The following HUWE1 variants were observed in gnomAD, a reference collection of about 807,000 sequenced individuals.
HUWE1 encodes the protein E3 ubiquitin-protein ligase HUWE1.
Under a neutral mutation model 299.4 loss-of-function variants are expected in HUWE1, and 18 were observed. The ratio of observed to expected loss-of-function variants is 0.06; its 90% CI spans 0.04 to 0.09. The LOEUF is 0.09. Ranked by LOEUF, HUWE1 falls within the 10% of genes least tolerant of loss-of-function variation. HUWE1 has a pLI of 1.00. For synonymous variants in HUWE1, 1,317 were observed against 1,286.1 expected, an observed-to-expected ratio of 1.02 and a Z score of -0.51; for missense variants, 1,832 against 3,462.3, an observed-to-expected ratio of 0.53 and a Z score of 11.82.
At chrX:53,548,456 C>T (rs2061637564) in intron 67 of HUWE1, among the ~76,000 whole-genome samples, 183 bp from the exon 68 acceptor site, 1 of 112,684 alleles carries the variant, frequency 8.9e-6, no homozygotes, top group Non-Finnish European at 1.9e-5. Context: ...TGAATGAGGG[C>T]TTTGTAGCAA....
chrX:53,633,954 A>G (rs1009769548), intron 8 of HUWE1, among the ~76,000 whole-genome samples: 7 of 112,160 alleles, frequency 6.2e-5, no homozygotes, highest in African/African-American at 1.9e-4. Context: ...AAAAAATCAC[A>G]TTAAAATTAA....
intron 7 of HUWE1, among the ~76,000 whole-genome samples, chrX:53,640,123 C>T (rs1216063907): frequency 8.9e-6 from 1 of 112,749 alleles, no homozygotes; most frequent in African/African-American, 3.2e-5. Flanking sequence ...CTTTGGGAGG[C>T]CAAGGCGAGT....
intron 28 of HUWE1, among the ~76,000 whole-genome samples, chrX:53,601,654 T>A (rs1250666906): frequency 3.9e-5 from 4 of 101,465 alleles, no homozygotes; most frequent in Non-Finnish European, 8.1e-5. Flanking sequence ...TTCTACTTAC[T>A]GAAATTTGGA....
rs1211374072 is a variant in HUWE1 at position 53,534,208 on chromosome X, G to A, written c.12832-11C>T. Reference sequence around the variant, plus strand: ...CCAGAACCACTGGATCTGTAGGAAGGGACCCATGAAGCCAGTGTTAGGTAG... The same window carrying A: ...CCAGAACCACTGGATCTGTAGGAAGAGACCCATGAAGCCAGTGTTAGGTAG... On this transcript the variant is annotated splice_polypyrimidine_tract_variant and intron_variant, in intron 82 of 83. Coordinates refer to ENST00000262854, the MANE Select transcript of HUWE1 (RefSeq NM_031407.7). 5 of 1,198,610 alleles carry A rather than the reference G, an allele frequency of 4.2e-6. No homozygotes were observed. The highest frequency in any genetic ancestry group is 5.6e-6 in the Non-Finnish European group (5 of 885,743).
intron 11 of HUWE1, 46 bp from the exon 12 acceptor site, chrX:53,631,080 G>T: frequency 1.3e-6 from 1 of 790,903 alleles, no homozygotes; most frequent in Non-Finnish European, 2.0e-6. Flanking sequence ...AATGAAAAAG[G>T]TGAATATTCT....
intron 49 of HUWE1, among the ~76,000 whole-genome samples, chrX:53,566,918 T>TA (rs1211373826): frequency 5.3e-4 from 53 of 100,171 alleles, no homozygotes; most frequent in South Asian, 1.7e-3. Context: ...GAAAATGTCA[T>TA]AAAAAAAAAA....
At position 53,538,992 on chromosome X, in the gene HUWE1, C is replaced by T. The variant is rs2061214447; in HGVS notation, c.11721G>A (p.Gln3907=). 2 of 1,208,556 alleles carry T rather than the reference C, an allele frequency of 1.7e-6. No homozygotes were observed. The highest frequency in any genetic ancestry group is 1.7e-5 in the African/African-American group (1 of 57,288). ...GAGGCTCGTCCTTGATGTGTGCCAG[C>T]TGGCTCTCACGGGTGTCTCGGACAG... ...KPPVRDTRES[Q]LAHIKDEPPP... The change falls in exon 76 of 84, where the codon CAG becomes CAA. Residue 3907 remains glutamine (Q), a synonymous_variant. Transcript: ENST00000262854.
At chrX:53,623,722 GAAAAC>G (rs1557014407) in intron 19 of HUWE1, among the ~76,000 whole-genome samples, 1 of 112,038 alleles carries the variant, frequency 8.9e-6, no homozygotes, top group African/African-American at 3.2e-5. Flanking sequence ...AATATTCTAA[GAAAAC>G]AAAACAAGTA....
chrX:53,665,891 G>GAAGCCTGAGGTGGGAGGAT (rs781943190), intron 3 of HUWE1, among the ~76,000 whole-genome samples: 21 of 111,561 alleles, frequency 1.9e-4, no homozygotes, highest in Non-Finnish European at 3.8e-4. Context: ...CAGCACTTTG[G>GAAGCCTGAGGTGGGAGGAT]AAGCCTGAGG....
intron 4 of HUWE1, among the ~76,000 whole-genome samples, chrX:53,653,038 T>A (rs2068565687): frequency 8.9e-6 from 1 of 111,899 alleles, no homozygotes; most frequent in Admixed American, 9.5e-5. Context: ...TCCCAGCTAC[T>A]CAGGAAGCTG....
chrX:53,684,018 T>G (rs1557054655), intron 2 of HUWE1: 1 of 287,616 alleles, frequency 3.5e-6, no homozygotes, highest in Non-Finnish European at 6.1e-6. Flanking sequence ...CTCCGCGCGA[T>G]CCCGCGAGAA....
chrX:53,654,371 A>T lies in HUWE1; in HGVS notation c.-24-240T>A, dbSNP rs1299702287. 2.7e-5 allele frequency among the ~76,000 whole-genome samples: 3 copies of T among 112,250 alleles called. No individual in the cohort carries two copies. In the Admixed American group the frequency reaches 2.8e-4, roughly 11 times the overall value. ...CACAAGACTGAAACCAAATCAGGTC[A>T]AAATGAAAATTTTTTCTCTTTTACA... On this transcript the variant is annotated intron_variant, in intron 3 of 83. Transcript: ENST00000262854.
At chrX:53,565,849 C>T (rs1322445490) in intron 49 of HUWE1, among the ~76,000 whole-genome samples, 2 of 109,276 alleles carry the variant, frequency 1.8e-5, no homozygotes, top group Non-Finnish European at 3.8e-5. Context: ...TCATGCTGAT[C>T]TCGAACTCGT....
At position 53,558,660 on chromosome X, in the gene HUWE1, C is replaced by T. The variant is rs1556937475; in HGVS notation, c.8155G>A (p.Ala2719Thr). 8.3e-6 allele frequency: 10 copies of T among 1,207,801 alleles called. No individual in the cohort carries two copies. In the Admixed American group the frequency reaches 8.7e-5, roughly 11 times the overall value. The change falls in exon 59 of 84, where the codon GCA (alanine) becomes ACA (threonine). Residue 2719 changes from alanine to threonine, a missense_variant. Coordinates refer to ENST00000262854, the MANE Select transcript of HUWE1 (RefSeq NM_031407.7). Reference sequence around the variant, plus strand: ...TCCCAGCCCTTGGGAATCACCTGTGCACTCTGATCCCTGTTCTCCTTATCT... The same window carrying T: ...TCCCAGCCCTTGGGAATCACCTGTGTACTCTGATCCCTGTTCTCCTTATCT... ...KEDKENRDQS[A>T]QCTASKSNDS...
rs1556932854 is a variant in HUWE1, at chrX:53,554,860, G to A, written c.8267C>T (p.Ser2756Phe). 1.7e-6 allele frequency: 2 copies of A among 1,202,879 alleles called. No homozygotes were observed. Residue 2756 changes from serine to phenylalanine, a missense_variant, in exon 61 of 84, where the codon TCT becomes TTT. Ser to Phe is a radical substitution (Grantham distance 155). Coordinates refer to ENST00000262854, the MANE Select transcript of HUWE1 (RefSeq NM_031407.7). ...TTPSSTDAATSESKETLGTLQ... is the reference protein window; with the variant it reads ...TTPSSTDAATFESKETLGTLQ... ...AGTGCCAAGGGTCTCCTTGGACTCAGATGTAGCTGCATCAGTTGAAGATGG... is the reference window on the plus strand; with the variant it reads ...AGTGCCAAGGGTCTCCTTGGACTCAAATGTAGCTGCATCAGTTGAAGATGG...
chrX:53,535,154 C>T (rs1395980921), intron 81 of HUWE1, among the ~76,000 whole-genome samples: 2 of 111,243 alleles, frequency 1.8e-5, no homozygotes, highest in Non-Finnish European at 3.8e-5. Flanking sequence ...AGGCTGGTCT[C>T]AAACTCCTCA....
intron 7 of HUWE1, among the ~76,000 whole-genome samples, chrX:53,638,796 A>T (rs1300011694): frequency 8.9e-6 from 1 of 112,015 alleles, no homozygotes; most frequent in African/African-American, 3.2e-5. Flanking sequence ...TACTAGACCT[A>T]GAGTATACCA....
chrX:53,578,358 G>C (rs1198508247), intron 43 of HUWE1, among the ~76,000 whole-genome samples: 1 of 106,823 alleles, frequency 9.4e-6, no homozygotes, highest in Non-Finnish European at 2.0e-5. Context: ...GGAGGTGGGG[G>C]GGGGTCAGCC....
rs190328371 is a variant in HUWE1 at position 53,604,914 on chromosome X, G to A, written c.2497-80C>T. On this transcript the variant is annotated intron_variant, in intron 25 of 83. Transcript: ENST00000262854. ...ATGTCTTTTAATAGTCACAATGGAA[G>A]TGACAATTAAATGGAAGCCTCTCAG... 6.0e-5 allele frequency: 60 copies of A among 998,206 alleles called. 1 individual carries two copies. The African/African-American group carries it at 8.3e-4, about 14-fold the overall frequency. 82.3% of individuals were successfully genotyped at this position (998,206 alleles called of 1,213,427 possible).
Sources: gnomAD v4.1 joint callset for allele counts (sites outside exome capture counted in the v4.1 genomes callset) on GRCh38, gnomAD v4.1.1 for gene constraint, MANE v1.5 for transcripts, NCBI Gene and HGNC (gene_info 2026-07-23, HGNC 2026-07-21) for gene names.